The following LRRC40 variants were observed in gnomAD, a reference collection of about 807,000 sequenced individuals.
LRRC40 encodes leucine rich repeat containing 40.
Under a neutral mutation model 72.8 loss-of-function variants are expected in LRRC40, and 76 were observed. That is an observed-to-expected ratio of 1.04 (90% CI 0.87 to 1.26). LRRC40 has a LOEUF of 1.26. Among genes scored for constraint, LRRC40 ranks in the 50% most tolerant of loss-of-function variants. LRRC40 has a pLI of 0.00. For missense variants in LRRC40, 684 were observed against 698.9 expected (o/e 0.98, Z 0.24); for synonymous variants, 243 against 254.2 (o/e 0.96, Z 0.42).
rs760101594 is a variant in LRRC40, at chr1:70,175,928, G to GT, written c.858dup (p.His287ThrfsTer13). The GT allele has an allele frequency of 6.3e-7, 1 of 1,595,450 alleles. No homozygotes were observed. The highest frequency in any genetic ancestry group is 1.2e-5 in the South Asian group (1 of 86,480). The stretch of plus-strand genomic sequence containing the variant: ...TCTAGCACAAGAATTGAATTCAGAT[G>GT]TTTAAGATGTTCTGCCTCTAACATT... On this transcript the variant is annotated frameshift_variant, in exon 7 of 15. Transcript: ENST00000370952. LOFTEE classifies it high-confidence loss of function.
chr1:70,184,921 G>A lies in LRRC40; in HGVS notation c.408-7C>T. The A allele has an allele frequency of 6.3e-7, 1 of 1,577,646 alleles. No individual in the cohort carries two copies. Among genetic ancestry groups the A allele is most frequent in the Non-Finnish European group, 8.6e-7 (1 of 1,158,396 alleles). On this transcript the variant is annotated splice_polypyrimidine_tract_variant and splice_region_variant and intron_variant, in intron 3 of 14. Coordinates refer to ENST00000370952, the MANE Select transcript of LRRC40 (RefSeq NM_017768.5). ...TATTTTCAGTTTATTATGGCTATTG[G>A]TTGATAAAATAAATGATGAATAATT...
At position 70,145,651 on chromosome 1, in the gene LRRC40, T is replaced by G; in HGVS notation, c.*149A>C. ...TACTGGCAGTGAATATGGCCCAGGC[T>G]AATTATACCAACAGGTAGGTGATAC... On this transcript the variant is annotated 3_prime_UTR_variant, in exon 15 of 15. Transcript: ENST00000370952. 1 of 479,892 alleles carries G rather than the reference T, an allele frequency of 2.1e-6. No individual in the cohort carries two copies. The highest frequency in any genetic ancestry group is 4.4e-5 in the South Asian group (1 of 22,934). 29.7% of individuals were successfully genotyped at this position (479,892 alleles called of 1,614,324 possible).
intron 1 of LRRC40, among the ~76,000 whole-genome samples, chr1:70,193,412 A>C (rs1391737918): frequency 1.3e-5 from 2 of 152,020 alleles, no homozygotes; most frequent in Non-Finnish European, 1.5e-5. Flanking sequence ...AGAAAAAAAA[A>C]AAGTACAACC....
chr1:70,192,569 GC>G (rs1052896453), intron 1 of LRRC40, among the ~76,000 whole-genome samples: 5 of 152,130 alleles, frequency 3.3e-5, no homozygotes, highest in African/African-American at 9.6e-5. Context: ...CAACATAAAT[GC>G]CCATCACTGA....
Position 70,145,744 on chromosome 1 carries a change from CCTT to C in LRRC40, c.*53_*55del, listed in dbSNP as rs1417532738. 2.5e-5 allele frequency: 22 copies of C among 879,568 alleles called. No homozygotes were observed. The highest frequency in any genetic ancestry group is 4.1e-5 in the Non-Finnish European group (22 of 540,568). The allele number at this position is 879,568 out of a possible 1,614,324, so 54.5% of individuals were successfully genotyped here. A position where few individuals can be genotyped will look rare whatever the true frequency, so the allele number is the denominator to read the frequency against. ...GATACTAAAACAAATGTTACATCCT[CCTT>C]AGAATTAACCAGGGTTAATAATACA... is the stretch of plus-strand genomic sequence containing the variant. On this transcript the variant is annotated 3_prime_UTR_variant, in exon 15 of 15. Coordinates refer to ENST00000370952, the MANE Select transcript of LRRC40 (RefSeq NM_017768.5).
intron 10 of LRRC40, among the ~76,000 whole-genome samples, chr1:70,158,521 A>G (rs1667689706): frequency 6.6e-6 from 1 of 152,184 alleles, no homozygotes; most frequent in Non-Finnish European, 1.5e-5. Context: ...CTGAAAGGAT[A>G]CTTTACAACT....
At chr1:70,181,944 C>T (rs968513915) in intron 4 of LRRC40, among the ~76,000 whole-genome samples, 13 of 151,890 alleles carry the variant, frequency 8.6e-5, no homozygotes, top group Non-Finnish European at 7.4e-5. Flanking sequence ...GTGTAAATTG[C>T]TCCACTACAT....
chr1:70,197,239 T>C (rs1359958166), intron 1 of LRRC40, among the ~76,000 whole-genome samples: 1 of 129,840 alleles, frequency 7.7e-6, no homozygotes, highest in Non-Finnish European at 1.6e-5. Flanking sequence ...TCCTTATAGA[T>C]ACTGGGGGGC....
chr1:70,148,489 T>C lies in LRRC40; in HGVS notation c.1701A>G (p.Leu567=). ...ATGCAGTAGAATGGTGTAGTTACCT[T>C]AAGTTTACACAATTACCGAGCTCTG... ...IPPELGNCVN[L]RTLLLDGNPF... Residue 567 remains leucine, a splice_region_variant and synonymous_variant, in exon 14 of 15, where the codon TTA becomes TTG. Transcript: ENST00000370952. The C allele has an allele frequency of 1.2e-6, 2 of 1,607,014 alleles. No individual in the cohort carries two copies. Among genetic ancestry groups the C allele is most frequent in the Non-Finnish European group, 1.7e-6 (2 of 1,174,508 alleles).
chr1:70,177,694 C>T (rs1237272615), intron 6 of LRRC40, among the ~76,000 whole-genome samples: 1 of 152,190 alleles, frequency 6.6e-6, no homozygotes, highest in Admixed American at 6.5e-5. Context: ...CTCACCATTT[C>T]AGACAGATGA....
chr1:70,178,190 G>A (rs1668151807), intron 6 of LRRC40, among the ~76,000 whole-genome samples: 1 of 152,068 alleles, frequency 6.6e-6, no homozygotes, highest in Admixed American at 6.5e-5. Flanking sequence ...TATAACCTTT[G>A]CATTGTTCAA....
chr1:70,188,886 C>A (rs1668427425), intron 2 of LRRC40, among the ~76,000 whole-genome samples: 3 of 152,090 alleles, frequency 2.0e-5, no homozygotes, highest in Non-Finnish European at 2.9e-5. Flanking sequence ...CTCCCCAGGT[C>A]ACACAGCCAT....
At chr1:70,181,569 TAAG>T (rs796798070) in intron 4 of LRRC40, among the ~76,000 whole-genome samples, 5 of 152,098 alleles carry the variant, frequency 3.3e-5, no homozygotes, top group African/African-American at 7.2e-5. Context: ...ATGAAGTGCC[TAAG>T]AAGAATTAGG....
At position 70,178,902 on chromosome 1, in the gene LRRC40, C is replaced by T; in HGVS notation, c.753G>A (p.Arg251=). Reference sequence around the variant, plus strand: ...CTGGTAGAAAACGTAATTTATTCCTCCGCAAATAAAGCAATTCTAGTGATT... The same window carrying T: ...CTGGTAGAAAACGTAATTTATTCCTTCGCAAATAAAGCAATTCTAGTGATT... The part of the protein sequence containing the change: ...GMESLELLYL[R]RNKLRFLPEF... Residue 251 remains arginine (R), a synonymous_variant, in exon 6 of 15, where the codon CGG becomes CGA. Transcript: ENST00000370952. 1 of 1,598,296 alleles carries T rather than the reference C, an allele frequency of 6.3e-7. No individual in the cohort carries two copies. Among genetic ancestry groups the T allele is most frequent in the Non-Finnish European group, 8.6e-7 (1 of 1,169,066 alleles).
At chr1:70,180,942 A>T (rs1446713459) in intron 5 of LRRC40, 144 bp downstream of exon 5, 6 of 528,240 alleles carry the variant, frequency 1.1e-5, no homozygotes, top group Non-Finnish European at 1.9e-5. Context: ...GGTCTGGAGA[A>T]AATCTGACTA....
At chr1:70,165,133 G>A (rs559135921) in intron 9 of LRRC40, among the ~76,000 whole-genome samples, 3 of 152,276 alleles carry the variant, frequency 2.0e-5, no homozygotes, top group African/African-American at 7.2e-5. Flanking sequence ...ATGATCATCT[G>A]TGGAGAATGA....
At chr1:70,198,508 G>A (rs573849842) in intron 1 of LRRC40, among the ~76,000 whole-genome samples, 27 of 152,212 alleles carry the variant, frequency 1.8e-4, no homozygotes, top group East Asian at 1.2e-3. Flanking sequence ...CTAGTCCGAC[G>A]AAAAAGAGCT....
intron 11 of LRRC40, 27 bp from the exon 12 acceptor site, chr1:70,152,570 T>C: frequency 8.0e-7 from 1 of 1,251,956 alleles, no homozygotes; most frequent in Non-Finnish European, 1.2e-6. Flanking sequence ...TTTAAAATGT[T>C]AGCACTTGAA....
chr1:70,198,008 T>G (rs964092149), intron 1 of LRRC40, among the ~76,000 whole-genome samples: 5 of 152,168 alleles, frequency 3.3e-5, no homozygotes, highest in Admixed American at 6.5e-5. Context: ...GTGATCCGCC[T>G]GCTTCCACCT....
Sources: gnomAD v4.1 joint callset for allele counts (sites outside exome capture counted in the v4.1 genomes callset) on GRCh38, gnomAD v4.1.1 for gene constraint, MANE v1.5 for transcripts, NCBI Gene and HGNC (gene_info 2026-07-23, HGNC 2026-07-21) for gene names.